Variants in PARD3B observed in about 807,000 individuals in gnomAD.
PARD3B encodes partitioning defective 3 homolog B.
A neutral mutation model predicts 130.2 loss-of-function variants in PARD3B; 103 were observed. The observed-to-expected ratio is 0.79, with a 90% CI of 0.67 to 0.93. PARD3B has a LOEUF of 0.93. Ranked by LOEUF, PARD3B falls within the 40% of genes least tolerant of loss-of-function variation. PARD3B has a pLI of 0.00. For synonymous variants in PARD3B, 583 were observed against 553.2 expected (o/e 1.05, Z -0.76); for missense variants, 1,609 against 1,499.2 (o/e 1.07, Z -1.21).
chr2:204,556,472 A>G (rs369577935), intron 1 of PARD3B, among the ~76,000 whole-genome samples: 2 of 152,350 alleles, frequency 1.3e-5, no homozygotes, highest in East Asian at 1.9e-4. Context: ...GGGATACAAT[A>G]TAGACAAATA....
intron 19 of PARD3B, among the ~76,000 whole-genome samples, chr2:205,436,700 T>TTTGCTGG (rs2047529524): frequency 6.6e-6 from 1 of 152,106 alleles, no homozygotes; most frequent in African/African-American, 2.4e-5. Flanking sequence ...TTTTGCCAGA[T>TTTGCTGG]TTGCTGGGTA....
chr2:205,172,488 C>G, intron 12 of PARD3B, 107 bp downstream of exon 12: 1 of 1,178,498 alleles, frequency 8.5e-7, no homozygotes, highest in Non-Finnish European at 1.2e-6. Flanking sequence ...AAAATATGCC[C>G]CAGAAGGGCT....
At chr2:204,602,769 A>G (rs1177744168) in intron 1 of PARD3B, among the ~76,000 whole-genome samples, 2 of 152,076 alleles carry the variant, frequency 1.3e-5, no homozygotes, top group South Asian at 4.1e-4. Context: ...AGAAGATGGC[A>G]TATTGTGTAA....
intron 2 of PARD3B, among the ~76,000 whole-genome samples, chr2:204,882,787 A>G (rs534586776): frequency 1.5e-4 from 23 of 152,106 alleles, no homozygotes; most frequent in Non-Finnish European, 2.9e-4. Context: ...CTTTTCGGAG[A>G]GGTCAGGTGA....
rs184203053 is a variant in PARD3B, at chr2:205,329,989, G to A, written c.2630+28288G>A. The stretch of plus-strand genomic sequence containing the variant: ...AGCCTGGACAACAGAGCAAAACGCC[G>A]TCTCAAAATAAATAAATAAATAAAT... On this transcript the variant is annotated intron_variant, in intron 18 of 22. Coordinates refer to ENST00000406610, the MANE Select transcript of PARD3B (RefSeq NM_001302769.2). Among the ~76,000 whole-genome samples the A allele has an allele frequency of 2.6e-3, 301 of 117,124 alleles. 1 individual carries two copies. Among genetic ancestry groups the A allele is most frequent in the Non-Finnish European group, 4.0e-3 (216 of 54,004 alleles). 76.8% of individuals were successfully genotyped at this position (117,124 alleles called of 152,430 possible).
chr2:204,599,468 C>T (rs1490692027), intron 1 of PARD3B, among the ~76,000 whole-genome samples: 2 of 151,930 alleles, frequency 1.3e-5, no homozygotes, highest in Non-Finnish European at 2.9e-5. Context: ...GCTTATTTCA[C>T]TTAACCTGGT....
intron 18 of PARD3B, among the ~76,000 whole-genome samples, chr2:205,380,863 A>C (rs1296845481): frequency 1.6e-5 from 1 of 63,672 alleles, no homozygotes; most frequent in East Asian, 4.8e-4. Flanking sequence ...TACATTATAT[A>C]TAATATAAAG....
chr2:205,303,082 T>TA (rs143229334), intron 18 of PARD3B, among the ~76,000 whole-genome samples: 6,820 of 147,128 alleles, frequency 0.046, 446 homozygotes, highest in African/African-American at 0.15. Flanking sequence ...CACTTTTGGG[T>TA]AAAAAAAAAA....
At chr2:205,005,843 C>G (rs1042419874) in intron 3 of PARD3B, among the ~76,000 whole-genome samples, 1 of 152,002 alleles carries the variant, frequency 6.6e-6, no homozygotes, top group Non-Finnish European at 1.5e-5. Context: ...TTTGGGGGTA[C>G]AGGTGGTTTT....
At chr2:204,554,093 T>C (rs2030742648) in intron 1 of PARD3B, among the ~76,000 whole-genome samples, 1 of 152,158 alleles carries the variant, frequency 6.6e-6, no homozygotes. Flanking sequence ...TCCTGGAACC[T>C]ACACTCTCCT....
chr2:205,003,755 C>G (rs937150068), intron 3 of PARD3B, among the ~76,000 whole-genome samples: 2 of 152,208 alleles, frequency 1.3e-5, no homozygotes, highest in Admixed American at 1.3e-4. Context: ...TAGTGTCTGG[C>G]ACATAGTAGG....
At chr2:204,774,181 C>T (rs2041512468) in intron 2 of PARD3B, among the ~76,000 whole-genome samples, 1 of 151,816 alleles carries the variant, frequency 6.6e-6, no homozygotes. Flanking sequence ...CAAATAGCAC[C>T]TTTCTTCTTC....
chr2:205,153,643 C>T (rs1452173101), intron 10 of PARD3B, among the ~76,000 whole-genome samples: 2 of 152,172 alleles, frequency 1.3e-5, no homozygotes, highest in Admixed American at 1.3e-4. Context: ...TGACTTCAAA[C>T]TTTACTACAA....
chr2:205,604,000 A>G lies in PARD3B; in HGVS notation c.3261-11456A>G, dbSNP rs1013625774. ...TGGCTGGTACCAGTTTTTCCTTTCC[A>G]TATTTAGTGCTTCCTTCAGGAGCTC... On this transcript the variant is annotated intron_variant, in intron 22 of 22. Coordinates refer to ENST00000406610, the MANE Select transcript of PARD3B (RefSeq NM_001302769.2). 4.5e-4 allele frequency among the ~76,000 whole-genome samples: 69 copies of G among 151,944 alleles called. 1 individual carries two copies. Among genetic ancestry groups the G allele is most frequent in the Non-Finnish European group, 5.9e-5 (4 of 67,972 alleles).
intron 20 of PARD3B, among the ~76,000 whole-genome samples, chr2:205,472,009 T>C (rs1488700485): frequency 2.0e-5 from 3 of 152,170 alleles, no homozygotes; most frequent in African/African-American, 7.2e-5. Context: ...CTGGTTTCTG[T>C]CTGCACGTAG....
chr2:205,290,878 G>A (rs2041583895), intron 16 of PARD3B, among the ~76,000 whole-genome samples: 1 of 152,152 alleles, frequency 6.6e-6, no homozygotes, highest in African/African-American at 2.4e-5. Context: ...ACTTGAGAAT[G>A]TGGCAAGAAG....
intron 18 of PARD3B, among the ~76,000 whole-genome samples, chr2:205,319,465 G>T (rs12464755): frequency 6.6e-6 from 1 of 151,992 alleles, no homozygotes; most frequent in African/African-American, 2.4e-5. Context: ...TATCTTATCT[G>T]ACTTTAAAGT....
intron 21 of PARD3B, among the ~76,000 whole-genome samples, chr2:205,538,222 C>A (rs1376330539): frequency 6.6e-6 from 1 of 152,092 alleles, no homozygotes; most frequent in African/African-American, 2.4e-5. Context: ...ACTGAAGGCT[C>A]TCAGAAAATA....
intron 2 of PARD3B, among the ~76,000 whole-genome samples, chr2:204,717,543 T>C (rs188525721): frequency 4.8e-4 from 73 of 152,284 alleles, no homozygotes; most frequent in African/African-American, 1.7e-3. Flanking sequence ...GAGTTGGTGG[T>C]GGCCTGGAGA....
Sources: allele counts gnomAD v4.1 joint callset (sites outside exome capture counted in the v4.1 genomes callset), GRCh38; gene constraint gnomAD v4.1.1; transcripts MANE v1.5; gene names NCBI Gene and HGNC (gene_info 2026-07-23, HGNC 2026-07-21).